Variants in PTPRF observed in about 807,000 individuals in gnomAD.
PTPRF encodes protein tyrosine phosphatase receptor type F.
A neutral mutation model predicts 201.8 loss-of-function variants in PTPRF; 59 were observed. That is an observed-to-expected ratio of 0.29 (90% CI 0.24 to 0.36). The LOEUF (loss-of-function observed/expected upper bound fraction) is 0.36, where lower values mean the gene tolerates loss of function less well. PTPRF is among the 10% of genes least tolerant of loss of function. The pLI is 1.00. For synonymous variants in PTPRF, 1,088 were observed against 1,089.7 expected (o/e 1.00, Z 0.03); for missense variants, 2,132 against 2,690.5 (o/e 0.79, Z 4.59).
At chr1:43,539,967 A>G (rs1213476018) in intron 2 of PTPRF, among the ~76,000 whole-genome samples, 1 of 152,186 alleles carries the variant, frequency 6.6e-6, no homozygotes, top group Non-Finnish European at 1.5e-5. Flanking sequence ...CCTTGGGTAC[A>G]AGGCCCAGGG....
At chr1:43,605,862 C>T (rs1340608325) in intron 19 of PTPRF, among the ~76,000 whole-genome samples, 1 of 152,226 alleles carries the variant, frequency 6.6e-6, no homozygotes, top group Non-Finnish European at 1.5e-5. Flanking sequence ...GGAGATGCCT[C>T]TGCAGGTCTA....
At chr1:43,614,886 A>G (rs996324384) in intron 23 of PTPRF, among the ~76,000 whole-genome samples, 1 of 151,970 alleles carries the variant, frequency 6.6e-6, no homozygotes, top group Non-Finnish European at 1.5e-5. Context: ...CTTAAAAAAG[A>G]GTATTTTTAC....
Position 43,553,421 on chromosome 1 carries a change from C to A in PTPRF, c.92-71C>A. On this transcript the variant is annotated intron_variant, in intron 3 of 33. Transcript: ENST00000359947. This position sits in a 1 kb window ranked among gnomAD's most constrained non-coding sequence, Gnocchi z 4.1. ...TAGGTCTTTCTCTCTGCCCCCATGA[C>A]TGCCACCTTCCTCACTGGCCATTCC... 6.7e-7 allele frequency: 1 copy of A among 1,501,962 alleles called. No individual in the cohort carries two copies. Among genetic ancestry groups the A allele is most frequent in the Non-Finnish European group, 9.1e-7 (1 of 1,098,396 alleles). The allele number at this position is 1,501,962 out of a possible 1,614,324, so 93.0% of individuals were successfully genotyped here. A position where few individuals can be genotyped will look rare whatever the true frequency, so the allele number is the denominator to read the frequency against.
At chr1:43,572,086 C>G (rs1008677365) in intron 6 of PTPRF, among the ~76,000 whole-genome samples, 2 of 152,218 alleles carry the variant, frequency 1.3e-5, no homozygotes, top group African/African-American at 4.8e-5. Context: ...CCTCTGCTCA[C>G]CTTCCGGCTG....
At chr1:43,580,190 C>A (rs1417628947) in intron 7 of PTPRF, 1 of 152,198 alleles carries the variant, frequency 6.6e-6, no homozygotes, top group Admixed American at 6.5e-5. Context: ...TGTCGTCTGA[C>A]TCTCCACCCA....
rs1386796801 is a variant in PTPRF at position 43,575,853 on chromosome 1, T to C, written c.569-2957T>C. The C allele has an allele frequency of 9.8e-6, 13 of 1,328,896 alleles. No homozygotes were observed. The East Asian group carries it at 5.8e-4, about 59-fold the overall frequency. 82.3% of individuals were successfully genotyped at this position (1,328,896 alleles called of 1,614,324 possible). ...CTGATTTGGCTTTGTGTGGCTTTCC[T>C]TCCTTTTATACTAATGCTTCTCTCT... On this transcript the variant is annotated intron_variant, in intron 6 of 33. Transcript: ENST00000359947.
At position 43,571,143 on chromosome 1, in the gene PTPRF, C is replaced by T. The variant is rs557619097; in HGVS notation, c.568+1365C>T. Among the ~76,000 whole-genome samples the T allele has an allele frequency of 3.9e-5, 6 of 152,318 alleles. No homozygotes were observed. In the East Asian group the frequency reaches 1.2e-3, roughly 29 times the overall value. On this transcript the variant is annotated intron_variant, in intron 6 of 33. Transcript: ENST00000359947. ...CACCCCTTCCTTGCCTATCACTCCA[C>T]TGGATGCCACTCAGGCCCCATCCTC...
At chr1:43,612,555 C>T (rs1483908003) in intron 22 of PTPRF, among the ~76,000 whole-genome samples, 1 of 152,154 alleles carries the variant, frequency 6.6e-6, no homozygotes, top group Non-Finnish European at 1.5e-5. Flanking sequence ...GTGGGACACC[C>T]AGTCTGTATT....
intron 13 of PTPRF, among the ~76,000 whole-genome samples, chr1:43,601,334 G>A (rs551457405): frequency 5.1e-4 from 78 of 152,324 alleles, no homozygotes; most frequent in African/African-American, 1.8e-3. Context: ...TGCCAGCCCC[G>A]AAACATTCCT....
chr1:43,622,194 G>T lies in PTPRF; in HGVS notation c.*191G>T, dbSNP rs1342553172. 5.7e-5 allele frequency: 36 copies of T among 629,034 alleles called. No individual in the cohort carries two copies. Among genetic ancestry groups the T allele is most frequent in the Non-Finnish European group, 9.4e-5 (34 of 361,658 alleles). 39.0% of individuals were successfully genotyped at this position (629,034 alleles called of 1,614,324 possible). A position where few individuals can be genotyped will look rare whatever the true frequency, so the allele number is the denominator to read the frequency against. On this transcript the variant is annotated 3_prime_UTR_variant, in exon 34 of 34. Transcript: ENST00000359947. ...GAGAGCCTAGAACATCCCTGGGCAA[G>T]TGGATGGCCCAGCAGGCAGGCACTG...
At chr1:43,569,839 C>G in intron 6 of PTPRF, 61 bp downstream of exon 6, 1 of 1,510,852 alleles carries the variant, frequency 6.6e-7, no homozygotes, top group Non-Finnish European at 8.9e-7. Context: ...CTTGTCAGAT[C>G]CCAGCACAGC....
chr1:43,528,151 G>T (rs1319881585), upstream of PTPRF, among the ~76,000 whole-genome samples: 3 of 152,106 alleles, frequency 2.0e-5, no homozygotes, highest in African/African-American at 7.2e-5. Context: ...GGTACAGTTG[G>T]CTCTGAGGTG....
At chr1:43,581,017 C>T (rs1647463303) in intron 7 of PTPRF, among the ~76,000 whole-genome samples, 1 of 152,270 alleles carries the variant, frequency 6.6e-6, no homozygotes, top group African/African-American at 2.4e-5. Flanking sequence ...CACTGTTACA[C>T]TGGCCCCAGC....
chr1:43,563,177 CAAAAA>C (rs61595608), intron 5 of PTPRF, among the ~76,000 whole-genome samples: 3 of 134,088 alleles, frequency 2.2e-5, no homozygotes, highest in Non-Finnish European at 3.1e-5. Context: ...GACTCCATCT[CAAAAA>C]AAAAAAAAAA....
In PTPRF at chr1:43,617,926, C is replaced by G. The variant is rs777348672; in HGVS notation, c.4371+15C>G. On this transcript the variant is annotated intron_variant, in intron 25 of 33. Coordinates refer to ENST00000359947, the MANE Select transcript of PTPRF (RefSeq NM_002840.5). ...AGAAGTCCCGGGTGAGGCTGCAGGGCCCTGCCAGGAGGCGGGTGGGAAATG... is the reference window on the plus strand; with the variant it reads ...AGAAGTCCCGGGTGAGGCTGCAGGGGCCTGCCAGGAGGCGGGTGGGAAATG... The G allele has an allele frequency of 1.1e-5, 18 of 1,594,900 alleles. No homozygotes were observed. The highest frequency in any genetic ancestry group is 1.7e-5 in the Admixed American group (1 of 59,342).
At chr1:43,551,078 C>T (rs994497923) in intron 3 of PTPRF, among the ~76,000 whole-genome samples, 13 of 151,924 alleles carry the variant, frequency 8.6e-5, no homozygotes, top group African/African-American at 3.1e-4. Context: ...GGCGGGGTGT[C>T]GGGGGAGGCT....
At chr1:43,555,015 G>T (rs1478034131) in intron 5 of PTPRF, among the ~76,000 whole-genome samples, 1 of 151,882 alleles carries the variant, frequency 6.6e-6, no homozygotes, top group Non-Finnish European at 1.5e-5. Context: ...ACCATGCCTG[G>T]CTAATTTTGT....
chr1:43,591,524 C>T lies in PTPRF; in HGVS notation c.1502C>T (p.Pro501Leu). The T allele has an allele frequency of 6.3e-7, 1 of 1,598,038 alleles. No homozygotes were observed. Among genetic ancestry groups the T allele is most frequent in the Non-Finnish European group, 8.5e-7 (1 of 1,174,158 alleles). Residue 501 changes from proline (P) to leucine (L), a missense_variant, in exon 9 of 34, where the codon CCC becomes CTC. By Grantham distance (98) the Pro-to-Leu change is moderately conservative. Around this residue, in one of 6 missense-constraint regions of PTPRF, gnomAD observed 351 missense variants for 401.7 expected, o/e 0.87. Transcript: ENST00000359947. ...FTAVGDGPPS[P>L]TIQVKTQQGV... Reference sequence around the variant, plus strand: ...GCCGTGGGCGATGGCCCTCCCAGCCCCACCATCCAGGTCAAGACGCAGCAG... The same window carrying T: ...GCCGTGGGCGATGGCCCTCCCAGCCTCACCATCCAGGTCAAGACGCAGCAG...
At chr1:43,582,817 G>A (rs1019193394) in intron 7 of PTPRF, among the ~76,000 whole-genome samples, 2 of 152,194 alleles carry the variant, frequency 1.3e-5, no homozygotes, top group Non-Finnish European at 2.9e-5. Flanking sequence ...CCCCACCCTC[G>A]GCCTCCCTGG....
Sources: gnomAD v4.1 joint callset for allele counts (sites outside exome capture counted in the v4.1 genomes callset) on GRCh38, gnomAD v4.1.1 for gene constraint, gnomAD v4.1.1 regional missense constraint, Gnocchi (gnomAD v3.1) non-coding constraint, MANE v1.5 for transcripts, NCBI Gene and HGNC (gene_info 2026-07-23, HGNC 2026-07-21) for gene names.